Variants in SMIM29 observed in about 807,000 individuals in gnomAD.
SMIM29 encodes uncharacterized protein C6orf1.
In SMIM29, 4 loss-of-function variants were observed where a neutral mutation model predicts 12.9. That is an observed-to-expected ratio of 0.31 (90% CI 0.15 to 0.71). The LOEUF (loss-of-function observed/expected upper bound fraction) is 0.71, where lower values mean the gene tolerates loss of function less well. Ranked by LOEUF, SMIM29 falls within the 30% of genes least tolerant of loss-of-function variation. The pLI, the probability that SMIM29 is intolerant of heterozygous loss-of-function variation, is 0.70. For synonymous variants in SMIM29, 50 were observed against 52.0 expected, an observed-to-expected ratio of 0.96 and a Z score of 0.17; for missense variants, 122 against 138.1, an observed-to-expected ratio of 0.88 and a Z score of 0.58.
intron 1 of SMIM29, chr6:34,248,670 G>C (rs551689469): frequency 2.0e-6 from 2 of 985,438 alleles, no homozygotes. Context: ...CAGAGGGCAA[G>C]GTATGAGCGA....
intron 1 of SMIM29, chr6:34,248,416 C>A: frequency 1.0e-6 from 1 of 985,322 alleles, no homozygotes; most frequent in Non-Finnish European, 1.2e-6. Flanking sequence ...AACACCCTCT[C>A]CCCCATCTGT....
Position 34,246,547 on chromosome 6 carries a change from C to T in SMIM29, c.*256G>A, listed in dbSNP as rs762086674. 1 of 1,573,688 alleles carries T rather than the reference C, an allele frequency of 6.4e-7. No individual in the cohort carries two copies. The highest frequency in any genetic ancestry group is 1.4e-5 in the African/African-American group (1 of 73,936). ...AGCAAAGGTGTCTACCAGCCGCCCC[C>T]ATCCCAGAAGGAAAGCCTCTTCCCA... On this transcript the variant is annotated 3_prime_UTR_variant, in exon 5 of 5. Coordinates refer to ENST00000476320, the MANE Select transcript of SMIM29 (RefSeq NM_001008703.4).
intron 1 of SMIM29, 87 bp from the exon 2 acceptor site, chr6:34,247,951 A>G: frequency 8.1e-7 from 1 of 1,233,384 alleles, no homozygotes; most frequent in Non-Finnish European, 1.0e-6. Context: ...ATCTATGAAA[A>G]CTGGTCCCAG....
At position 34,247,157 on chromosome 6, in the gene SMIM29, G is replaced by T. The variant is rs758781097; in HGVS notation, c.138-8C>A. ...TGGCGCAGCCGGTCCACCCTGGGGA[G>T]CAGGGGAGGGGACTCAGCTAGGAGG... On this transcript the variant is annotated splice_polypyrimidine_tract_variant and splice_region_variant and intron_variant, in intron 3 of 4. Transcript: ENST00000476320. 5.0e-6 allele frequency: 8 copies of T among 1,613,976 alleles called. No homozygotes were observed. The Admixed American group carries it at 1.3e-4, about 27-fold the overall frequency.
At chr6:34,248,292 T>A (rs1009024967) in intron 1 of SMIM29, 1 of 985,308 alleles carries the variant, frequency 1.0e-6, no homozygotes, top group African/African-American at 1.7e-5. Context: ...AGGGGTGAGA[T>A]GGGAGCATCT....
rs1762779698 is a variant in SMIM29 at position 34,246,633 on chromosome 6, G to A, written c.*170C>T. ...ACAAAGGGCAGAAGGCCTGGGGGCAGTGAGGTGATGGTGAGGGCATGGGAA... is the reference window on the plus strand; with the variant it reads ...ACAAAGGGCAGAAGGCCTGGGGGCAATGAGGTGATGGTGAGGGCATGGGAA... On this transcript the variant is annotated 3_prime_UTR_variant, in exon 5 of 5. Transcript: ENST00000476320. 1 of 1,613,894 alleles carries A rather than the reference G, an allele frequency of 6.2e-7. No individual in the cohort carries two copies. Among genetic ancestry groups the A allele is most frequent in the Non-Finnish European group, 8.5e-7 (1 of 1,179,994 alleles).
rs749897227 is a variant in SMIM29, at chr6:34,246,757, G to C, written c.*46C>G. On this transcript the variant is annotated 3_prime_UTR_variant, in exon 5 of 5. Transcript: ENST00000476320. ...GGGGAAGCAGATGGCAGGGCCCCAG[G>C]CAGTCCAGGACCCCAGGCTCTGAAG... The C allele has an allele frequency of 6.2e-7, 1 of 1,613,496 alleles. No homozygotes were observed. Among genetic ancestry groups the C allele is most frequent in the Non-Finnish European group, 8.5e-7 (1 of 1,179,934 alleles).
At chr6:34,247,388 T>TA in intron 3 of SMIM29, 79 bp downstream of exon 3, 1 of 1,335,338 alleles carries the variant, frequency 7.5e-7, no homozygotes, top group African/African-American at 1.5e-5. Flanking sequence ...AGGGACATCT[T>TA]ACAGAAAAGT....
intron 1 of SMIM29, chr6:34,248,751 G>A (rs964604846): frequency 1.0e-6 from 1 of 985,532 alleles, no homozygotes; most frequent in South Asian, 4.7e-5. Context: ...ATCGTCCCAG[G>A]TCAAGGGGGC....
rs535789521 is a variant in SMIM29 at position 34,247,210 on chromosome 6, C to G, written c.138-61G>C. 66 of 1,464,164 alleles carry G rather than the reference C, an allele frequency of 4.5e-5. No homozygotes were observed. The African/African-American group carries it at 1.2e-3, about 27-fold the overall frequency. 90.7% of individuals were successfully genotyped at this position (1,464,164 alleles called of 1,614,324 possible). On this transcript the variant is annotated intron_variant, in intron 3 of 4. Transcript: ENST00000476320. Reference sequence around the variant, plus strand: ...CCCCCAACCCTCATCAAACACCTGGCTGCCTCGTCTCCTCCCTTTCCCAGG... The same window carrying G: ...CCCCCAACCCTCATCAAACACCTGGGTGCCTCGTCTCCTCCCTTTCCCAGG...
At position 34,246,730 on chromosome 6, in the gene SMIM29, CA is replaced by C. The variant is rs1450036962; in HGVS notation, c.*72del. The C allele has an allele frequency of 6.2e-7, 1 of 1,613,750 alleles. No homozygotes were observed. The highest frequency in any genetic ancestry group is 8.5e-7 in the Non-Finnish European group (1 of 1,179,964). The stretch of plus-strand genomic sequence containing the variant: ...CCCAGCAGGGGGAGCCAGGTGACAG[CA>C]GGGGAAGCAGATGGCAGGGCCCCAG... On this transcript the variant is annotated 3_prime_UTR_variant, in exon 5 of 5. Transcript: ENST00000476320.
In SMIM29 at chr6:34,246,494, C is replaced by T; in HGVS notation, c.*309G>A. 6.6e-7 allele frequency: 1 copy of T among 1,521,562 alleles called. No homozygotes were observed. Among genetic ancestry groups the T allele is most frequent in the South Asian group, 1.3e-5 (1 of 75,848 alleles). 94.3% of individuals were successfully genotyped at this position (1,521,562 alleles called of 1,614,324 possible). A position where few individuals can be genotyped will look rare whatever the true frequency, so the allele number is the denominator to read the frequency against. ...CCAAAGCCTGCCTGGGGATTTGTGC[C>T]CAAGCCCAGCCCAGGAGGGCTAGAG... On this transcript the variant is annotated 3_prime_UTR_variant, in exon 5 of 5. Transcript: ENST00000476320.
chr6:34,247,840 C>T lies in SMIM29; in HGVS notation c.-49G>A, dbSNP rs1265857484. On this transcript the variant is annotated 5_prime_UTR_variant, in exon 2 of 5. Coordinates refer to ENST00000476320, the MANE Select transcript of SMIM29 (RefSeq NM_001008703.4). ...GTGGTCAGCATGGGCAGTGGCGCTT[C>T]GGGAGGGCGCCTCCACTGGGCTCCC... 116 of 1,258,854 alleles carry T rather than the reference C, an allele frequency of 9.2e-5. No homozygotes were observed. The highest frequency in any genetic ancestry group is 6.8e-4 in the South Asian group (20 of 29,520). 78.0% of individuals were successfully genotyped at this position (1,258,854 alleles called of 1,614,324 possible). A position where few individuals can be genotyped will look rare whatever the true frequency, so the allele number is the denominator to read the frequency against.
chr6:34,246,447 C>T lies in SMIM29; in HGVS notation c.*356G>A. 6 of 1,482,540 alleles carry T rather than the reference C, an allele frequency of 4.0e-6. No individual in the cohort carries two copies. Among genetic ancestry groups the T allele is most frequent in the Non-Finnish European group, 5.4e-6 (6 of 1,106,310 alleles). The allele number at this position is 1,482,540 out of a possible 1,614,324, so 91.8% of individuals were successfully genotyped here. A position where few individuals can be genotyped will look rare whatever the true frequency, so the allele number is the denominator to read the frequency against. On this transcript the variant is annotated 3_prime_UTR_variant, in exon 5 of 5. Coordinates refer to ENST00000476320, the MANE Select transcript of SMIM29 (RefSeq NM_001008703.4). Reference sequence around the variant, plus strand: ...TATATACTGAATACTATACATCTGGCCCCATCACCATGGAAACAACTCCAA... The same window carrying T: ...TATATACTGAATACTATACATCTGGTCCCATCACCATGGAAACAACTCCAA...
intron 1 of SMIM29, chr6:34,248,310 C>T: frequency 2.0e-6 from 2 of 985,424 alleles, no homozygotes; most frequent in Non-Finnish European, 2.4e-6. Context: ...TCTGAAGGAG[C>T]CCGCTTCCAT....
At chr6:34,247,638 T>C in intron 2 of SMIM29, 43 bp downstream of exon 2, 2 of 1,438,748 alleles carry the variant, frequency 1.4e-6, no homozygotes, top group Non-Finnish European at 1.8e-6. Context: ...GCCCCTGCCT[T>C]AGCAAAGCTG....
At chr6:34,248,936 C>T (rs1762910602) in intron 1 of SMIM29, 43 bp downstream of exon 1, 1 of 985,578 alleles carries the variant, frequency 1.0e-6, no homozygotes, top group Non-Finnish European at 1.2e-6. Flanking sequence ...GGCGTGGACC[C>T]GTGCCGGCGC....
rs147550212 is a variant in SMIM29, at chr6:34,247,142, G to A, written c.145C>T (p.Arg49Trp). Residue 49 changes from arginine (R) to tryptophan (W), a missense_variant, in exon 4 of 5, where the codon CGG becomes TGG. Coordinates refer to ENST00000476320, the MANE Select transcript of SMIM29 (RefSeq NM_001008703.4). ...ATGGGGAGCAGGTGATGGCGCAGCC[G>A]GTCCACCCTGGGGAGCAGGGGAGGG... ...MYVQKKKRVD[R>W]LRHHLLPMYS... The A allele has an allele frequency of 2.4e-5, 38 of 1,613,992 alleles. No individual in the cohort carries two copies. The highest frequency in any genetic ancestry group is 9.3e-5 in the African/African-American group (7 of 75,002).
chr6:34,247,429 G>C (rs558956626), intron 3 of SMIM29, 38 bp downstream of exon 3: 6 of 1,527,226 alleles, frequency 3.9e-6, no homozygotes, highest in African/African-American at 1.4e-5. Flanking sequence ...TTCAGAACGG[G>C]TGTGGGGTTA....
Sources: allele counts gnomAD v4.1 joint callset, GRCh38; gene constraint gnomAD v4.1.1; transcripts MANE v1.5; gene names NCBI Gene and HGNC (gene_info 2026-07-23, HGNC 2026-07-21).